Variants in DNAJC25 observed in about 807,000 individuals in gnomAD.
DNAJC25 encodes dnaJ homolog subfamily C member 25.
DNAJC25 carries 26 observed loss-of-function variants against 42.1 expected under a neutral mutation model. That is an observed-to-expected ratio of 0.62 (90% CI 0.45 to 0.86). The LOEUF is 0.86. Among genes scored for constraint, DNAJC25 ranks in the 40% least tolerant of loss-of-function variants. The probability of loss-of-function intolerance (pLI) is 0.00; values close to 1 mark genes in which losing one functional copy is unlikely to be tolerated. For missense variants in DNAJC25, 404 were observed against 459.4 expected, an observed-to-expected ratio of 0.88 and a Z score of 1.10; for synonymous variants, 189 against 179.9, an observed-to-expected ratio of 1.05 and a Z score of -0.40.
intron 1 of DNAJC25, chr9:111,642,746 T>C: frequency 2.6e-6 from 1 of 388,676 alleles, no homozygotes; most frequent in South Asian, 2.0e-5. Flanking sequence ...TAATATATTT[T>C]TGCCTCTGGG....
intron 3 of DNAJC25, among the ~76,000 whole-genome samples, chr9:111,650,201 A>C (rs144170223): frequency 1.3e-5 from 2 of 152,034 alleles, no homozygotes; most frequent in African/African-American, 4.8e-5. Context: ...AATGATATGC[A>C]TGTTTGCAAG....
chr9:111,639,192 T>C (rs1830406967), intron 1 of DNAJC25, among the ~76,000 whole-genome samples: 1 of 152,208 alleles, frequency 6.6e-6, no homozygotes, highest in Admixed American at 6.5e-5. Context: ...GGAGGGTTCT[T>C]GAGGCCACGG....
chr9:111,635,887 A>C (rs560109553), intron 1 of DNAJC25, among the ~76,000 whole-genome samples: 58 of 139,868 alleles, frequency 4.1e-4, no homozygotes, highest in African/African-American at 1.6e-3. Flanking sequence ...AGAATTTAGC[A>C]AAAAACGATT....
chr9:111,634,302 G>A (rs1257079248), intron 1 of DNAJC25, among the ~76,000 whole-genome samples: 6 of 152,202 alleles, frequency 3.9e-5, no homozygotes, highest in African/African-American at 1.4e-4. Context: ...TTATTACAGG[G>A]TGGTCTGCTT....
intron 2 of DNAJC25, 138 bp downstream of exon 2, chr9:111,647,397 A>G (rs1220005967): frequency 2.0e-5 from 23 of 1,144,398 alleles, no homozygotes; most frequent in Admixed American, 2.5e-5. Context: ...GTCATTGGCA[A>G]TGTTGGAATC....
At chr9:111,635,440 A>G (rs1283996426) in intron 1 of DNAJC25, among the ~76,000 whole-genome samples, 1 of 152,226 alleles carries the variant, frequency 6.6e-6, no homozygotes, top group Non-Finnish European at 1.5e-5. Context: ...AGTGGTATAG[A>G]TAAGTAAATT....
chr9:111,644,545 C>G (rs73656282), intron 1 of DNAJC25, among the ~76,000 whole-genome samples: 2,742 of 152,268 alleles, frequency 0.018, 79 homozygotes, highest in African/African-American at 0.062. Context: ...CAGATTTCAA[C>G]GACACTCCAA....
intron 3 of DNAJC25, among the ~76,000 whole-genome samples, chr9:111,652,734 C>T (rs925438278): frequency 4.6e-5 from 7 of 151,022 alleles, no homozygotes; most frequent in African/African-American, 9.7e-5. Context: ...TTAGGAGAGA[C>T]GGGGGTTTCA....
intron 2 of DNAJC25, among the ~76,000 whole-genome samples, chr9:111,648,509 A>G (rs552323201): frequency 7.0e-4 from 107 of 152,034 alleles, no homozygotes; most frequent in African/African-American, 2.4e-3. Flanking sequence ...GGCTCAAGCA[A>G]TCCACTCACC....
chr9:111,637,865 T>G (rs1830387312), intron 1 of DNAJC25, among the ~76,000 whole-genome samples: 1 of 152,256 alleles, frequency 6.6e-6, no homozygotes, highest in African/African-American at 2.4e-5. Context: ...TCCTCGCCAT[T>G]TCTTTTCAGT....
intron 1 of DNAJC25, among the ~76,000 whole-genome samples, chr9:111,645,109 A>G (rs1323955187): frequency 2.0e-5 from 3 of 152,212 alleles, no homozygotes; most frequent in African/African-American, 7.2e-5. Context: ...GAGAGTTTTC[A>G]TATTGGCCCT....
At chr9:111,650,635 A>C (rs1484254309) in intron 3 of DNAJC25, among the ~76,000 whole-genome samples, 1 of 152,162 alleles carries the variant, frequency 6.6e-6, no homozygotes, top group African/African-American at 2.4e-5. Context: ...ATAAGAATAG[A>C]GCACAGTGAA....
intron 2 of DNAJC25, among the ~76,000 whole-genome samples, chr9:111,649,078 T>C (rs185137067): frequency 6.6e-6 from 1 of 152,182 alleles, no homozygotes; most frequent in Non-Finnish European, 1.5e-5. Flanking sequence ...TAACTCTTTC[T>C]CTAGTAAGTA....
chr9:111,635,282 G>T (rs1336918129), intron 1 of DNAJC25, among the ~76,000 whole-genome samples: 2 of 152,192 alleles, frequency 1.3e-5, no homozygotes, highest in Non-Finnish European at 2.9e-5. Flanking sequence ...CTAGCACAGT[G>T]TCTGGCACAT....
chr9:111,648,719 C>G (rs1260245417), intron 2 of DNAJC25, among the ~76,000 whole-genome samples: 1 of 152,132 alleles, frequency 6.6e-6, no homozygotes, highest in African/African-American at 2.4e-5. Flanking sequence ...ACTGTAGTAA[C>G]TTTTAAAAAA....
intron 1 of DNAJC25, among the ~76,000 whole-genome samples, chr9:111,632,278 G>A (rs1830294986): frequency 6.6e-6 from 1 of 151,314 alleles, no homozygotes; most frequent in African/African-American, 2.4e-5. Context: ...ACCCCTGTAT[G>A]ACCTTGGATA....
rs1035362094 is a variant in DNAJC25 at position 111,631,352 on chromosome 9, G to T, written c.-56G>T. ...TGGGGCCAGACGGGACTAGCCGGGC[G>T]CGCGGCTGAGTGCTGCAGAATCGCT... On this transcript the variant is annotated 5_prime_UTR_variant, in exon 1 of 4. Transcript: ENST00000313525. The T allele has an allele frequency of 7.2e-6, 9 of 1,252,636 alleles. No individual in the cohort carries two copies. In the Admixed American group the frequency reaches 3.4e-4, roughly 47 times the overall value. 77.6% of individuals were successfully genotyped at this position (1,252,636 alleles called of 1,614,324 possible).
At chr9:111,638,659 C>A (rs1221754751) in intron 1 of DNAJC25, among the ~76,000 whole-genome samples, 1 of 152,110 alleles carries the variant, frequency 6.6e-6, no homozygotes. Context: ...TCATGTTCAA[C>A]ATCTCCTTTG....
At chr9:111,649,099 T>TA (rs914706961) in intron 2 of DNAJC25, among the ~76,000 whole-genome samples, 3 of 151,290 alleles carry the variant, frequency 2.0e-5, no homozygotes, top group East Asian at 1.9e-4. Context: ...GGTTGCTGTT[T>TA]AAAAAAAAAG....
Sources: allele counts gnomAD v4.1 joint callset (sites outside exome capture counted in the v4.1 genomes callset), GRCh38; gene constraint gnomAD v4.1.1; transcripts MANE v1.5; gene names NCBI Gene and HGNC (gene_info 2026-07-23, HGNC 2026-07-21).